Variants in ZFYVE26 observed in about 807,000 individuals in gnomAD.
ZFYVE26 encodes zinc finger FYVE-type containing 26, also known as zinc finger FYVE domain-containing protein 26.
A neutral mutation model predicts 276.5 loss-of-function variants in ZFYVE26; 181 were observed. The observed-to-expected ratio is 0.65, with a 90% CI of 0.58 to 0.74. ZFYVE26 has a LOEUF of 0.74. ZFYVE26 is among the 30% of genes least tolerant of loss of function. ZFYVE26 has a pLI of 0.00. For synonymous variants in ZFYVE26, 1,129 were observed against 1,203.1 expected (o/e 0.94, Z 1.27); for missense variants, 2,821 against 3,097.9 (o/e 0.91, Z 2.12).
intron 14 of ZFYVE26, among the ~76,000 whole-genome samples, chr14:67,728,940 G>C (rs112791951): frequency 1.3e-5 from 2 of 152,248 alleles, no homozygotes; most frequent in African/African-American, 4.8e-5. Context: ...GTATAAAAAC[G>C]ACATTGAAAT....
chr14:67,748,159 C>T lies in ZFYVE26; in HGVS notation c.*277G>A, dbSNP rs1003653826. The stretch of plus-strand genomic sequence containing the variant: ...ACATCAGCGCACAGGAACATGCACA[C>T]GTGTGTGCACACATACTCACTCACT... On this transcript the variant is annotated 3_prime_UTR_variant, in exon 42 of 42. Transcript: ENST00000347230. 38 of 516,158 alleles carry T rather than the reference C, an allele frequency of 7.4e-5. 1 individual carries two copies. Among genetic ancestry groups the T allele is most frequent in the Non-Finnish European group, 1.1e-4 (30 of 284,374 alleles). The allele number at this position is 516,158 out of a possible 1,614,324, so 32.0% of individuals were successfully genotyped here.
chr14:67,808,583 GT>G (rs781577265), intron 4 of ZFYVE26, among the ~76,000 whole-genome samples: 8 of 151,940 alleles, frequency 5.3e-5, no homozygotes, highest in Non-Finnish European at 8.8e-5. Context: ...TGAGAAGTAG[GT>G]TATTTCCCAT....
intron 13 of ZFYVE26, among the ~76,000 whole-genome samples, chr14:67,735,544 G>A (rs934424276): frequency 3.3e-5 from 5 of 152,204 alleles, no homozygotes; most frequent in Admixed American, 6.5e-5. Context: ...CTGTTTTTCC[G>A]CTATTGACTT....
At chr14:67,799,111 A>AG in intron 10 of ZFYVE26, 1 of 1,326,582 alleles carries the variant, frequency 7.5e-7, no homozygotes, top group Non-Finnish European at 1.1e-6. Context: ...CCCAAGACCT[A>AG]GACTAGGAGG....
chr14:67,812,884 C>G (rs964436158), intron 3 of ZFYVE26, among the ~76,000 whole-genome samples: 5 of 152,144 alleles, frequency 3.3e-5, no homozygotes, highest in Non-Finnish European at 5.9e-5. Context: ...TTCAAGTTTT[C>G]TCTTTTAAAT....
intron 20 of ZFYVE26, 112 bp from the exon 21 acceptor site, chr14:67,783,637 G>A (rs1386304568): frequency 7.2e-7 from 1 of 1,389,924 alleles, no homozygotes; most frequent in Admixed American, 1.9e-5. Flanking sequence ...GTTCCTAATT[G>A]TCACACTCTT....
Position 67,798,322 on chromosome 14 carries a change from C to G in ZFYVE26, c.1940G>C (p.Ser647Thr). The G allele has an allele frequency of 1.9e-6, 3 of 1,613,402 alleles. No homozygotes were observed. Among genetic ancestry groups the G allele is most frequent in the Non-Finnish European group, 2.5e-6 (3 of 1,179,712 alleles). ...VPKTLAYTMP[S>T]HVKAEPKDSY... The stretch of plus-strand genomic sequence containing the variant: ...GTCTTTTGGCTCTGCCTTCACATGG[C>G]TTGGCATTGTATAAGCAAGGGTCTT... Residue 647 changes from serine to threonine, a missense_variant, in exon 11 of 42, where the codon AGC becomes ACC. Coordinates refer to ENST00000347230, the MANE Select transcript of ZFYVE26 (RefSeq NM_015346.4).
intron 24 of ZFYVE26, 133 bp downstream of exon 24, chr14:67,777,993 A>C: frequency 2.8e-6 from 4 of 1,408,180 alleles, no homozygotes; most frequent in Non-Finnish European, 4.0e-6. Flanking sequence ...CAAGATGACT[A>C]TAACCAGCTC....
chr14:67,812,584 C>T (rs558392460), intron 3 of ZFYVE26, among the ~76,000 whole-genome samples: 3 of 152,252 alleles, frequency 2.0e-5, no homozygotes, highest in Non-Finnish European at 4.4e-5. Flanking sequence ...CTAAAATAGT[C>T]CCACAACTGT....
rs969959556 is a variant in ZFYVE26 at position 67,786,266 on chromosome 14, A to C, written c.3020-33T>G. ...TAGATGAAGGAAGAGGGAATGCAAAAAAAAAAAATTGAAGTGTTTTCAGAG... is the reference window on the plus strand; with the variant it reads ...TAGATGAAGGAAGAGGGAATGCAAACAAAAAAAATTGAAGTGTTTTCAGAG... On this transcript the variant is annotated intron_variant, in intron 16 of 41. Coordinates refer to ENST00000347230, the MANE Select transcript of ZFYVE26 (RefSeq NM_015346.4). The C allele has an allele frequency of 5.0e-6, 8 of 1,592,782 alleles. 1 individual carries two copies. The South Asian group carries it at 9.1e-5, about 18-fold the overall frequency.
chr14:67,789,434 C>T lies in ZFYVE26; in HGVS notation c.2920G>A (p.Ala974Thr). ...LEDLSPPAMA[A>T]FDLACSQCQL... ...CACTGAGAGCAAGCTAGGTCAAATGCAGCCATGGCAGGGGGACTGAGGTCT... is the reference window on the plus strand; with the variant it reads ...CACTGAGAGCAAGCTAGGTCAAATGTAGCCATGGCAGGGGGACTGAGGTCT... Residue 974 changes from alanine (A) to threonine (T), a missense_variant, in exon 16 of 42, where the codon GCA becomes ACA. By Grantham distance (58) the Ala-to-Thr change is moderately conservative. Coordinates refer to ENST00000347230, the MANE Select transcript of ZFYVE26 (RefSeq NM_015346.4). 2 of 1,614,206 alleles carry T rather than the reference C, an allele frequency of 1.2e-6. No homozygotes were observed. The highest frequency in any genetic ancestry group is 1.7e-6 in the Non-Finnish European group (2 of 1,180,036).
chr14:67,731,368 C>T (rs772553624), intron 13 of ZFYVE26, among the ~76,000 whole-genome samples: 38 of 151,948 alleles, frequency 2.5e-4, no homozygotes, highest in Non-Finnish European at 4.4e-4. Flanking sequence ...GTGCATGCCA[C>T]GACGCCCAGC....
chr14:67,799,349 T>C, intron 10 of ZFYVE26: 1 of 1,610,864 alleles, frequency 6.2e-7, no homozygotes, highest in Admixed American at 1.7e-5. Context: ...GGTGCAATCC[T>C]ATAAGGCCTT....
At position 67,766,256 on chromosome 14, in the gene ZFYVE26, G is replaced by A; in HGVS notation, c.5982C>T (p.Gly1994=). The A allele has an allele frequency of 6.2e-7, 1 of 1,614,068 alleles. No homozygotes were observed. The highest frequency in any genetic ancestry group is 8.5e-7 in the Non-Finnish European group (1 of 1,180,038). The part of the protein sequence containing the change: ...FSAKMMFVKA[G]QSQDLALCDS... ...CACAAAGAGCCAAGTCTTGGCTCTG[G>A]CCGGCTTTGACGAACATCATCTTGG... Residue 1994 remains glycine, a synonymous_variant, in exon 32 of 42, where the codon GGC becomes GGT. Coordinates refer to ENST00000347230, the MANE Select transcript of ZFYVE26 (RefSeq NM_015346.4).
intron 4 of ZFYVE26, 103 bp downstream of exon 4, chr14:67,809,097 G>A: frequency 9.9e-7 from 1 of 1,012,562 alleles, no homozygotes; most frequent in Non-Finnish European, 1.6e-6. Context: ...TGAGAACAAA[G>A]TATGGGCAAC....
At chr14:67,809,952 T>C (rs2040265881) in intron 3 of ZFYVE26, among the ~76,000 whole-genome samples, 1 of 151,796 alleles carries the variant, frequency 6.6e-6, no homozygotes, top group South Asian at 2.1e-4. Context: ...TTCTGGCTAA[T>C]TTTGTGTATT....
At position 67,755,869 on chromosome 14, in the gene ZFYVE26, T is replaced by C. The variant is rs1264959105; in HGVS notation, c.6786+79A>G. 3.9e-6 allele frequency: 6 copies of C among 1,549,822 alleles called. No homozygotes were observed. The East Asian group carries it at 1.1e-4, about 29-fold the overall frequency. On this transcript the variant is annotated intron_variant, in intron 36 of 41. Coordinates refer to ENST00000347230, the MANE Select transcript of ZFYVE26 (RefSeq NM_015346.4). ...AGGCCAGGGACCAATGACAGTCTCA[T>C]TCCCTCATCGTGCACTGCCTCTCCT...
At chr14:67,768,633 T>C in intron 29 of ZFYVE26, 85 bp from the exon 30 acceptor site, 1 of 1,332,996 alleles carries the variant, frequency 7.5e-7, no homozygotes, top group Non-Finnish European at 1.1e-6. Context: ...CAACTTACAG[T>C]GTCTCCCTGG....
At chr14:67,750,932 T>C (rs2038620277) in intron 41 of ZFYVE26, 120 bp downstream of exon 41, 2 of 1,288,186 alleles carry the variant, frequency 1.6e-6, no homozygotes, top group African/African-American at 1.5e-5. Flanking sequence ...CCTCTGATAA[T>C]ACAGAAGCTG....
Sources: allele counts gnomAD v4.1 joint callset (sites outside exome capture counted in the v4.1 genomes callset), GRCh38; gene constraint gnomAD v4.1.1; transcripts MANE v1.5; gene names NCBI Gene and HGNC (gene_info 2026-07-23, HGNC 2026-07-21).